Variants in SLC7A14 observed in about 807,000 individuals in gnomAD.
The protein encoded by SLC7A14 is gamma-aminobutyric acid transporter SLC7A14.
A neutral mutation model predicts 60.2 loss-of-function variants in SLC7A14; 37 were observed. The ratio of observed to expected loss-of-function variants is 0.61; its 90% CI spans 0.47 to 0.81. SLC7A14 has a LOEUF of 0.81. SLC7A14 is among the 30% of genes least tolerant of loss of function. The pLI, the probability that SLC7A14 is intolerant of heterozygous loss-of-function variation, is 0.00. For synonymous variants in SLC7A14, 399 were observed against 395.8 expected (o/e 1.01, Z -0.10); for missense variants, 886 against 982.7 (o/e 0.90, Z 1.32).
chr3:170,498,571 A>G lies in SLC7A14; in HGVS notation c.759+96T>C, dbSNP rs558751664. On this transcript the variant is annotated intron_variant, in intron 4 of 7. Coordinates refer to ENST00000231706, the MANE Select transcript of SLC7A14 (RefSeq NM_020949.3). Reference sequence around the variant, plus strand: ...AAGAGGGTGCTGTGGTAATTATGGAACAGAACAGCATTTTCTTGAAAATAT... The same window carrying G: ...AAGAGGGTGCTGTGGTAATTATGGAGCAGAACAGCATTTTCTTGAAAATAT... 337 of 1,097,244 alleles carry G rather than the reference A, an allele frequency of 3.1e-4. 2 individuals carry two copies. The South Asian group carries it at 4.7e-3, about 15-fold the overall frequency. 68.0% of individuals were successfully genotyped at this position (1,097,244 alleles called of 1,614,324 possible).
At position 170,480,539 on chromosome 3, in the gene SLC7A14, G is replaced by C; in HGVS notation, c.1743C>G (p.Ser581=). Residue 581 remains serine (S), a synonymous_variant, in exon 7 of 8, where the codon TCC becomes TCG. Coordinates refer to ENST00000231706, the MANE Select transcript of SLC7A14 (RefSeq NM_020949.3). The part of the protein sequence containing the change: ...LLFILMFIFC[S]FIIFGSDYIS... ...TGTAGTCAGAACCAAAGATGATGAA[G>C]GAGCAGAAGATGAACATGAGGATGA... The C allele has an allele frequency of 6.2e-7, 1 of 1,614,228 alleles. No individual in the cohort carries two copies. Among genetic ancestry groups the C allele is most frequent in the South Asian group, 1.1e-5 (1 of 91,084 alleles).
At chr3:170,476,168 C>G (rs908138911) in intron 7 of SLC7A14, among the ~76,000 whole-genome samples, 8 of 152,166 alleles carry the variant, frequency 5.3e-5, no homozygotes, top group African/African-American at 1.9e-4. Context: ...GGCCACCAGA[C>G]CAATTGAATC....
rs1471965687 is a variant in SLC7A14 at position 170,463,450 on chromosome 3, A to G, written c.*3605T>C. ...CTTCATATTTGACCCCCCACAGCAC[A>G]TTACAAGTCCGTCATCTCACCTGAC... is the stretch of plus-strand genomic sequence containing the variant. On this transcript the variant is annotated 3_prime_UTR_variant, in exon 8 of 8. Coordinates refer to ENST00000231706, the MANE Select transcript of SLC7A14 (RefSeq NM_020949.3). The G allele has an allele frequency of 6.6e-6, 1 of 152,116 alleles. No homozygotes were observed. The highest frequency in any genetic ancestry group is 1.5e-5 in the Non-Finnish European group (1 of 68,030). 9.4% of individuals were successfully genotyped at this position (152,116 alleles called of 1,614,324 possible).
intron 1 of SLC7A14, among the ~76,000 whole-genome samples, chr3:170,549,225 T>TG (rs1176529636): frequency 1.4e-5 from 2 of 145,658 alleles, no homozygotes; most frequent in Admixed American, 6.7e-5. Context: ...TTTTTTTTTT[T>TG]TTTTTTTTGA....
intron 1 of SLC7A14, among the ~76,000 whole-genome samples, chr3:170,533,678 T>TGTGTGG (rs71300471): frequency 1.4e-5 from 2 of 147,410 alleles, no homozygotes; most frequent in Admixed American, 6.7e-5. Context: ...TGTGTGTGTG[T>TGTGTGG]GGTGTGTGTG....
chr3:170,475,691 A>G (rs1711590280), intron 7 of SLC7A14, among the ~76,000 whole-genome samples: 1 of 151,642 alleles, frequency 6.6e-6, no homozygotes, highest in African/African-American at 2.4e-5. Context: ...GATTCAGTAG[A>G]CCTGGGGTGG....
At chr3:170,554,097 G>A (rs1283386397) in intron 1 of SLC7A14, among the ~76,000 whole-genome samples, 1 of 151,740 alleles carries the variant, frequency 6.6e-6, no homozygotes, top group Non-Finnish European at 1.5e-5. Flanking sequence ...AGTTGTTAAG[G>A]AAAACTGCAA....
chr3:170,563,329 C>T (rs942066157), intron 1 of SLC7A14, among the ~76,000 whole-genome samples: 1 of 151,954 alleles, frequency 6.6e-6, no homozygotes, highest in Non-Finnish European at 1.5e-5. Context: ...GTGTGTACCC[C>T]GCCCATTTGC....
At chr3:170,548,864 C>T (rs982298326) in intron 1 of SLC7A14, among the ~76,000 whole-genome samples, 3 of 149,992 alleles carry the variant, frequency 2.0e-5, no homozygotes, top group Admixed American at 6.8e-5. Flanking sequence ...CTTTGGAGCA[C>T]GTTATGTAAT....
chr3:170,496,278 C>T, intron 4 of SLC7A14: 2 of 971,442 alleles, frequency 2.1e-6, no homozygotes, highest in East Asian at 2.4e-5. Context: ...GAGCATGTAC[C>T]AGATCAAGTA....
At chr3:170,476,081 ACCAT>A (rs1270781948) in intron 7 of SLC7A14, among the ~76,000 whole-genome samples, 3 of 152,178 alleles carry the variant, frequency 2.0e-5, no homozygotes, top group Non-Finnish European at 4.4e-5. Context: ...CACATTGAGG[ACCAT>A]TGATCTAGAT....
chr3:170,477,691 T>C (rs901327514), intron 7 of SLC7A14, among the ~76,000 whole-genome samples: 19 of 152,256 alleles, frequency 1.2e-4, no homozygotes, highest in African/African-American at 4.3e-4. Flanking sequence ...GTAATAGTAT[T>C]TGTGAAATCA....
At chr3:170,534,090 A>G (rs11923241) in intron 1 of SLC7A14, among the ~76,000 whole-genome samples, 297 of 152,320 alleles carry the variant, frequency 1.9e-3, no homozygotes, top group African/African-American at 6.9e-3. Context: ...GTTATTGAGT[A>G]TATTAATCAG....
At position 170,585,260 on chromosome 3, in the gene SLC7A14, C is replaced by A. The variant is rs1316694957; in HGVS notation, c.-153+651G>T. Reference sequence around the variant, plus strand: ...GCAGGGAGCTTCCCTGGACACCGCTCCCGTCACGTCCTCTTCGCCGCTCCC... The same window carrying A: ...GCAGGGAGCTTCCCTGGACACCGCTACCGTCACGTCCTCTTCGCCGCTCCC... On this transcript the variant is annotated intron_variant, in intron 1 of 7. Coordinates refer to ENST00000231706, the MANE Select transcript of SLC7A14 (RefSeq NM_020949.3). The surrounding 1 kb of genome is among the most constrained non-coding windows in gnomAD (Gnocchi z 5.1). Among the ~76,000 whole-genome samples, 1 of 152,182 alleles carries A rather than the reference C, an allele frequency of 6.6e-6. No individual in the cohort carries two copies. The highest frequency in any genetic ancestry group is 1.9e-4 in the East Asian group (1 of 5,160).
intron 2 of SLC7A14, among the ~76,000 whole-genome samples, chr3:170,523,509 T>G (rs1713402607): frequency 6.6e-6 from 1 of 152,218 alleles, no homozygotes; most frequent in Non-Finnish European, 1.5e-5. Flanking sequence ...TCAGCACAGT[T>G]TAGTCTTCCT....
chr3:170,540,298 A>G (rs1577547870), intron 1 of SLC7A14, among the ~76,000 whole-genome samples: 1 of 152,350 alleles, frequency 6.6e-6, no homozygotes. Context: ...TAATATTAAA[A>G]TATTAAAATT....
chr3:170,582,545 C>A (rs1364886000), intron 1 of SLC7A14, among the ~76,000 whole-genome samples: 1 of 152,130 alleles, frequency 6.6e-6, no homozygotes, highest in Non-Finnish European at 1.5e-5. Context: ...GCCCAGAGCA[C>A]CTCAGCAATA....
At position 170,526,789 on chromosome 3, in the gene SLC7A14, C is replaced by G. The variant is rs1278136882; in HGVS notation, c.148G>C (p.Ala50Pro). Residue 50 changes from alanine (A) to proline (P), a missense_variant, in exon 2 of 8, where the codon GCC (alanine) becomes CCC (proline). Coordinates refer to ENST00000231706, the MANE Select transcript of SLC7A14 (RefSeq NM_020949.3). The part of the protein sequence containing the change: ...GTTTAHGTKL[A>P]QVLTTVDLIS... ...AGGTCCACTGTGGTGAGTACCTGGGCTAGCTTAGTTCCATGTGCCGTGGTG... is the reference window on the plus strand; with the variant it reads ...AGGTCCACTGTGGTGAGTACCTGGGGTAGCTTAGTTCCATGTGCCGTGGTG... The G allele has an allele frequency of 6.2e-7, 1 of 1,614,132 alleles. No homozygotes were observed. The highest frequency in any genetic ancestry group is 8.5e-7 in the Non-Finnish European group (1 of 1,180,058).
At chr3:170,471,013 T>C (rs1348906731) in intron 7 of SLC7A14, among the ~76,000 whole-genome samples, 1 of 152,118 alleles carries the variant, frequency 6.6e-6, no homozygotes, top group Admixed American at 6.5e-5. Context: ...ATGTTGCACC[T>C]TTGTCCCAAA....
Sources: allele counts gnomAD v4.1 joint callset (sites outside exome capture counted in the v4.1 genomes callset), GRCh38; gene constraint gnomAD v4.1.1; non-coding constraint Gnocchi (gnomAD v3.1); transcripts MANE v1.5; gene names NCBI Gene and HGNC (gene_info 2026-07-23, HGNC 2026-07-21).